Variants in GALNT11 observed in about 807,000 individuals in gnomAD.
The protein encoded by GALNT11 is UDP-GalNAc:polypeptide N-acetylgalactosaminyltransferase 11.
A neutral mutation model predicts 72.7 loss-of-function variants in GALNT11; 47 were observed. The observed-to-expected ratio is 0.65, with a 90% confidence interval of 0.51 to 0.82. The LOEUF is 0.82. Ranked by LOEUF, GALNT11 falls within the 40% of genes least tolerant of loss-of-function variation. The pLI is 0.00. For synonymous variants in GALNT11, 270 were observed against 286.6 expected (o/e 0.94, Z 0.58); for missense variants, 677 against 778.4 (o/e 0.87, Z 1.55).
chr7:152,096,752 A>G (rs1369820823), intron 2 of GALNT11, among the ~76,000 whole-genome samples: 1 of 151,958 alleles, frequency 6.6e-6, no homozygotes, highest in Non-Finnish European at 1.5e-5. Flanking sequence ...GACAACCCAC[A>G]GAATGGGAGA....
intron 2 of GALNT11, among the ~76,000 whole-genome samples, chr7:152,096,433 AGGGCTGGACGCAGT>A: frequency 6.6e-6 from 1 of 152,196 alleles, no homozygotes; most frequent in Admixed American, 6.5e-5. Flanking sequence ...ATGTGAAAAA[AGGGCTGGACGCAGT>A]GGCTGATGCC....
At chr7:152,113,518 G>T in intron 8 of GALNT11, 120 bp downstream of exon 8, 1 of 1,121,682 alleles carries the variant, frequency 8.9e-7, no homozygotes, top group East Asian at 2.6e-5. Flanking sequence ...CTTCACCTTA[G>T]GGCCAACTCT....
chr7:152,075,266 T>C (rs2084889756), intron 1 of GALNT11: 1 of 152,344 alleles, frequency 6.6e-6, no homozygotes, highest in African/African-American at 2.4e-5. Flanking sequence ...AAAAGAGCCA[T>C]TGATTTTGAA....
chr7:152,052,022 C>G (rs1356288763), intron 1 of GALNT11, among the ~76,000 whole-genome samples: 1 of 152,110 alleles, frequency 6.6e-6, no homozygotes, highest in East Asian at 1.9e-4. Context: ...AATCTGTAAC[C>G]ATTAAGCAAT....
At chr7:152,101,459 C>A (rs1279746369) in intron 3 of GALNT11, among the ~76,000 whole-genome samples, 1 of 152,054 alleles carries the variant, frequency 6.6e-6, no homozygotes, top group Non-Finnish European at 1.5e-5. Context: ...AATAAGTCAA[C>A]AAGTCCTTAC....
At chr7:152,108,990 G>A (rs921278214) in intron 6 of GALNT11, among the ~76,000 whole-genome samples, 10 of 149,898 alleles carry the variant, frequency 6.7e-5, no homozygotes, top group African/African-American at 2.5e-4. Context: ...ATTTGTTATT[G>A]TTATTATGTT....
chr7:152,035,255 G>T (rs563925294), intron 1 of GALNT11, among the ~76,000 whole-genome samples: 3 of 152,146 alleles, frequency 2.0e-5, no homozygotes, highest in Non-Finnish European at 4.4e-5. Context: ...GGTGAGCCCG[G>T]GTGCCTAAAG....
At chr7:152,073,297 TCTC>T (rs1345886033) in intron 1 of GALNT11, among the ~76,000 whole-genome samples, 1 of 152,158 alleles carries the variant, frequency 6.6e-6, no homozygotes, top group Non-Finnish European at 1.5e-5. Context: ...TCTCTTCCTA[TCTC>T]CTCCCTTCGC....
intron 1 of GALNT11, among the ~76,000 whole-genome samples, chr7:152,070,079 C>G (rs2084546569): frequency 6.6e-6 from 1 of 150,466 alleles, no homozygotes; most frequent in Admixed American, 6.6e-5. Flanking sequence ...TCACTGCAAG[C>G]TCCGCCTCCC....
chr7:152,099,558 T>G (rs1280274319), intron 2 of GALNT11, among the ~76,000 whole-genome samples: 3 of 136,116 alleles, frequency 2.2e-5, no homozygotes, highest in African/African-American at 8.7e-5. Context: ...TTTTTTTTTT[T>G]TGTATTTTTA....
At chr7:152,028,630 C>T (rs1477427063) in intron 1 of GALNT11, among the ~76,000 whole-genome samples, 1 of 152,158 alleles carries the variant, frequency 6.6e-6, no homozygotes, top group East Asian at 1.9e-4. Context: ...CAGAGTAGTT[C>T]TCCAAGTCCC....
At position 152,103,209 on chromosome 7, in the gene GALNT11, AG is replaced by A; in HGVS notation, c.518del (p.Ser173MetfsTer3). On this transcript the variant is annotated frameshift_variant, in exon 4 of 12. Transcript: ENST00000430044. LOFTEE classifies it high-confidence loss of function. The stretch of plus-strand genomic sequence containing the variant: ...TTCTGCCTTGCTTCGGACAGTGCAC[AG>A]TGTCATAGACCGCACGCCAGCACAC... ...AFSALLRTVH[S>X]VIDRTPAHLL... The A allele has an allele frequency of 6.2e-7, 1 of 1,613,854 alleles. No individual in the cohort carries two copies. The highest frequency in any genetic ancestry group is 8.5e-7 in the Non-Finnish European group (1 of 1,179,850).
chr7:152,078,234 A>G (rs1234211494), intron 1 of GALNT11, among the ~76,000 whole-genome samples: 1 of 152,148 alleles, frequency 6.6e-6, no homozygotes, highest in African/African-American at 2.4e-5. Flanking sequence ...TGTTTTTTTT[A>G]GACAGAGTTT....
At chr7:152,031,365 T>A (rs1474965343) in intron 1 of GALNT11, among the ~76,000 whole-genome samples, 1 of 152,228 alleles carries the variant, frequency 6.6e-6, no homozygotes, top group South Asian at 2.1e-4. Context: ...TTCCCCATCC[T>A]CTGGGAGAAA....
chr7:152,098,824 T>C (rs1004079169), intron 2 of GALNT11, among the ~76,000 whole-genome samples: 1 of 152,232 alleles, frequency 6.6e-6, no homozygotes, highest in African/African-American at 2.4e-5. Flanking sequence ...GTTTGTTGTT[T>C]TGTGTTTAAA....
intron 1 of GALNT11, among the ~76,000 whole-genome samples, chr7:152,071,576 A>G (rs6944890): frequency 0.05 from 7,683 of 152,252 alleles, 663 homozygotes; most frequent in African/African-American, 0.18. Context: ...GTCCTGGGGC[A>G]ACATACATCT....
At chr7:152,120,126 G>A (rs984494954) in intron 10 of GALNT11, 1 of 152,242 alleles carries the variant, frequency 6.6e-6, no homozygotes, top group Non-Finnish European at 1.5e-5. Context: ...CATTTCAAGT[G>A]TACAATAGCT....
At chr7:152,051,215 T>G (rs547228980) in intron 1 of GALNT11, among the ~76,000 whole-genome samples, 9 of 148,692 alleles carry the variant, frequency 6.1e-5, no homozygotes, top group East Asian at 5.9e-4. Context: ...TTTTTTTTTT[T>G]TTTTTTTTTT....
chr7:152,096,182 A>C (rs1309505934), intron 2 of GALNT11, among the ~76,000 whole-genome samples: 1 of 152,212 alleles, frequency 6.6e-6, no homozygotes, highest in African/African-American at 2.4e-5. Context: ...AATACTGTTA[A>C]GATGTAGGTA....
Sources: allele counts gnomAD v4.1 joint callset (sites outside exome capture counted in the v4.1 genomes callset), GRCh38; gene constraint gnomAD v4.1.1; transcripts MANE v1.5; gene names NCBI Gene and HGNC (gene_info 2026-07-23, HGNC 2026-07-21).